Variants in MNT observed in about 807,000 individuals in gnomAD.
The protein encoded by MNT is max-binding protein MNT.
A neutral mutation model predicts 40.7 loss-of-function variants in MNT; 13 were observed. The observed-to-expected ratio is 0.32, with a 90% CI of 0.21 to 0.51. The LOEUF (loss-of-function observed/expected upper bound fraction) is 0.51. Among genes scored for constraint, MNT ranks in the 20% least tolerant of loss-of-function variants. The pLI is 0.98. For missense variants in MNT, 757 were observed against 792.0 expected, an observed-to-expected ratio of 0.96 and a Z score of 0.53; for synonymous variants, 426 against 354.8, an observed-to-expected ratio of 1.20 and a Z score of -2.26.
At chr17:2,388,974 G>A (rs566096690) in intron 4 of MNT, among the ~76,000 whole-genome samples, 72 of 152,238 alleles carry the variant, frequency 4.7e-4, no homozygotes, top group South Asian at 2.3e-3. Flanking sequence ...TACTGGTCAT[G>A]TCCAGGTGCA....
chr17:2,387,149 C>T lies in MNT; in HGVS notation c.1501G>A (p.Val501Met), dbSNP rs2066469919. Residue 501 changes from valine to methionine, a missense_variant, in exon 6 of 6, where the codon GTG becomes ATG. Transcript: ENST00000174618. ...ITVHPATLNH[V>M]AHLGSQLPLY... ...GGCAGCTGGGAGCCCAGGTGGGCCA[C>T]ATGGTTGAGGGTGGCAGGGTGCACA... The T allele has an allele frequency of 6.3e-7, 1 of 1,599,702 alleles. No individual in the cohort carries two copies. The highest frequency in any genetic ancestry group is 8.5e-7 in the Non-Finnish European group (1 of 1,174,182).
intron 4 of MNT, among the ~76,000 whole-genome samples, chr17:2,388,633 C>T (rs1055327679): frequency 6.6e-6 from 1 of 152,058 alleles, no homozygotes; most frequent in Non-Finnish European, 1.5e-5. Context: ...TTACATGCTG[C>T]TCCCCATCAC....
At chr17:2,394,383 A>C in intron 2 of MNT, 37 bp from the exon 3 acceptor site, 1 of 1,612,442 alleles carries the variant, frequency 6.2e-7, no homozygotes, top group Non-Finnish European at 8.5e-7. Context: ...AGGGAGGAGG[A>C]CTCGATTAGA....
chr17:2,387,923 T>C lies in MNT; in HGVS notation c.934A>G (p.Ile312Val). ...ELSQWMDVLE[I>V]DRVLRQTGQP... ...CCCGTCTGCCGCAGCACGCGGTCAA[T>C]CTCCAGTACGTCCATCCACTGGCTC... is the stretch of plus-strand genomic sequence containing the variant. The change falls in exon 5 of 6, where the codon ATT becomes GTT. Residue 312 changes from isoleucine to valine, a missense_variant. Ile to Val is a conservative substitution (Grantham distance 29). Transcript: ENST00000174618. 6.2e-7 allele frequency: 1 copy of C among 1,609,452 alleles called. No individual in the cohort carries two copies. The highest frequency in any genetic ancestry group is 8.5e-7 in the Non-Finnish European group (1 of 1,179,226).
At chr17:2,392,658 C>G (rs1280562412) in intron 4 of MNT, 2 of 152,108 alleles carry the variant, frequency 1.3e-5, no homozygotes, top group African/African-American at 4.8e-5. Flanking sequence ...GAGCCCTCTC[C>G]CGCTCGGCGC....
At chr17:2,393,713 G>A (rs1275505669) in intron 4 of MNT, 1 of 157,722 alleles carries the variant, frequency 6.3e-6, no homozygotes, top group African/African-American at 2.4e-5. Context: ...CTTCCCTCCC[G>A]CGGCTGCACC....
chr17:2,399,602 G>A (rs933064661), intron 1 of MNT, among the ~76,000 whole-genome samples: 2 of 152,120 alleles, frequency 1.3e-5, no homozygotes, highest in African/African-American at 4.8e-5. Context: ...CAGAGGCCGG[G>A]GCCCGGGCCC....
Position 2,395,015 on chromosome 17 carries a change from C to T in MNT, c.513G>A (p.Thr171=), listed in dbSNP as rs1343178191. ...GGTGTGGCGCTATGGTCAGGACAGG[C>T]GTGGGGAGGGGCTGCAAAGGCTTGG... ...GSPKPLQPLP[T]PVLTIAPHPG... is the part of the protein sequence containing the mutation. The change falls in exon 2 of 6, where the codon ACG becomes ACA. Residue 171 remains threonine (T), a synonymous_variant. Coordinates refer to ENST00000174618, the MANE Select transcript of MNT (RefSeq NM_020310.3). 5.6e-6 allele frequency: 9 copies of T among 1,600,066 alleles called. No homozygotes were observed. Among genetic ancestry groups the T allele is most frequent in the Non-Finnish European group, 7.7e-6 (9 of 1,174,096 alleles).
chr17:2,394,560 C>T (rs1303598343), intron 2 of MNT, among the ~76,000 whole-genome samples: 1 of 152,110 alleles, frequency 6.6e-6, no homozygotes, highest in Non-Finnish European at 1.5e-5. Context: ...TCCGTCCCAC[C>T]AGGAGGGAGA....
At chr17:2,396,855 C>T (rs1391029851) in intron 1 of MNT, 3 of 152,336 alleles carry the variant, frequency 2.0e-5, no homozygotes, top group Non-Finnish European at 2.9e-5. Flanking sequence ...GCCCCAAACA[C>T]CCGGGCAAGG....
chr17:2,397,531 C>T (rs1467814283), intron 1 of MNT, among the ~76,000 whole-genome samples: 1 of 152,144 alleles, frequency 6.6e-6, no homozygotes, highest in Non-Finnish European at 1.5e-5. Flanking sequence ...CAAGCCAACC[C>T]CCATTCCCCA....
chr17:2,400,924 T>TA lies in MNT; in HGVS notation c.-213dup. ...TTTGCAAAATATAAAATTGCAAATTTAAAAAAATGGGATGCAAAAAAAAAA... is the reference window on the plus strand; with the variant it reads ...TTTGCAAAATATAAAATTGCAAATTTAAAAAAAATGGGATGCAAAAAAAAAA... On this transcript the variant is annotated 5_prime_UTR_variant, in exon 1 of 6. Coordinates refer to ENST00000174618, the MANE Select transcript of MNT (RefSeq NM_020310.3). 1 of 358,260 alleles carries TA rather than the reference T, an allele frequency of 2.8e-6. No homozygotes were observed. 22.2% of individuals were successfully genotyped at this position (358,260 alleles called of 1,614,324 possible).
At chr17:2,399,473 G>A (rs536176815) in intron 1 of MNT, among the ~76,000 whole-genome samples, 2 of 152,296 alleles carry the variant, frequency 1.3e-5, no homozygotes, top group East Asian at 1.9e-4. Context: ...ATGTCTCGTC[G>A]CCCTGCGATT....
rs1555611876 is a variant in MNT, at chr17:2,394,277, G to GCGCGCGCGCACACACA, written c.695+27_695+28insTGTGTGTGCGCGCGCG. The GCGCGCGCGCACACACA allele has an allele frequency of 4.0e-6, 6 of 1,489,338 alleles. No individual in the cohort carries two copies. In the Admixed American group the frequency reaches 8.1e-5, roughly 20 times the overall value. The allele number at this position is 1,489,338 out of a possible 1,614,324, so 92.3% of individuals were successfully genotyped here. ...CCGGGTCGCGCGCGCACGCACGCACGCACACACACACACACACACACACAC... is the reference window on the plus strand; with the variant it reads ...CCGGGTCGCGCGCGCACGCACGCACGCGCGCGCGCACACACACACACACACACACACACACACACAC... On this transcript the variant is annotated intron_variant, in intron 3 of 5. Coordinates refer to ENST00000174618, the MANE Select transcript of MNT (RefSeq NM_020310.3).
intron 1 of MNT, among the ~76,000 whole-genome samples, chr17:2,399,599 C>T (rs149163411): frequency 6.7e-4 from 102 of 152,140 alleles, no homozygotes; most frequent in African/African-American, 2.4e-3. Flanking sequence ...GCCCAGAGGC[C>T]GGGGCCCGGG....
intron 4 of MNT, chr17:2,390,454 G>C (rs1485463292): frequency 6.6e-6 from 1 of 152,278 alleles, no homozygotes; most frequent in East Asian, 1.9e-4. Context: ...TGGGACATTT[G>C]GTTCTCACAG....
chr17:2,384,420 G>A lies in MNT; in HGVS notation c.*2481C>T, dbSNP rs887243067. The A allele has an allele frequency of 6.6e-6, 1 of 152,482 alleles. No individual in the cohort carries two copies. Among genetic ancestry groups the A allele is most frequent in the African/African-American group, 2.4e-5 (1 of 41,366 alleles). 9.4% of individuals were successfully genotyped at this position (152,482 alleles called of 1,614,324 possible). On this transcript the variant is annotated 3_prime_UTR_variant, in exon 6 of 6. Coordinates refer to ENST00000174618, the MANE Select transcript of MNT (RefSeq NM_020310.3). ...GATGGGGGGAGAAGCAGCTGTTTCT[G>A]GAGAGAGAAGGGGTCATGGTGGCCC...
Position 2,394,099 on chromosome 17 carries a change from C to G in MNT, c.751G>C (p.Asp251His). 6.2e-7 allele frequency: 1 copy of G among 1,609,446 alleles called. No individual in the cohort carries two copies. Among genetic ancestry groups the G allele is most frequent in the South Asian group, 1.1e-5 (1 of 90,700 alleles). Residue 251 changes from aspartate (D) to histidine (H), a missense_variant, in exon 4 of 6, where the codon GAT becomes CAT. Asp to His is a moderately conservative substitution (Grantham distance 81). Around this residue, in one of 4 missense-constraint regions of MNT, gnomAD observed 73 missense variants for 100.8 expected, o/e 0.72. Coordinates refer to ENST00000174618, the MANE Select transcript of MNT (RefSeq NM_020310.3). ...CTCAGATTGGACGTCTTCTTGTCAT[C>G]CACGTTGGGGATGTTCCGCTTCAGG... is the stretch of plus-strand genomic sequence containing the variant. ...ETLKRNIPNV[D>H]DKKTSNLSVL... is the part of the protein sequence containing the mutation.
At chr17:2,396,140 G>A (rs2066577189) in intron 1 of MNT, among the ~76,000 whole-genome samples, 1 of 152,208 alleles carries the variant, frequency 6.6e-6, no homozygotes, top group East Asian at 1.9e-4. Flanking sequence ...CACATCATGG[G>A]CAGGACAGGG....
Sources: allele counts gnomAD v4.1 joint callset (sites outside exome capture counted in the v4.1 genomes callset), GRCh38; gene constraint gnomAD v4.1.1; regional missense constraint gnomAD v4.1.1; transcripts MANE v1.5; gene names NCBI Gene and HGNC (gene_info 2026-07-23, HGNC 2026-07-21).